TRIM36: variants seen among roughly 807,000 people sequenced by gnomAD.
TRIM36 encodes the protein E3 ubiquitin-protein ligase TRIM36.
Under a neutral mutation model 72.4 loss-of-function variants are expected in TRIM36, and 42 were observed. The observed-to-expected ratio is 0.58, with a 90% CI of 0.45 to 0.75. The LOEUF (loss-of-function observed/expected upper bound fraction) is 0.75. Among genes scored for constraint, TRIM36 ranks in the 30% least tolerant of loss-of-function variants. The probability of loss-of-function intolerance (pLI) is 0.00; values close to 1 mark genes in which losing one functional copy is unlikely to be tolerated. For missense variants in TRIM36, 913 were observed against 857.1 expected (o/e 1.07, Z -0.81); for synonymous variants, 315 against 282.8 (o/e 1.11, Z -1.14).
chr5:115,170,522 C>T (rs1452074732), upstream of TRIM36, among the ~76,000 whole-genome samples: 1 of 152,132 alleles, frequency 6.6e-6, no homozygotes, highest in Non-Finnish European at 1.5e-5. Context: ...TAGCCAGGCG[C>T]GGCCTGGGGT....
chr5:115,152,341 T>A (rs1334958268), intron 2 of TRIM36, among the ~76,000 whole-genome samples: 1 of 151,722 alleles, frequency 6.6e-6, no homozygotes, highest in Non-Finnish European at 1.5e-5. Context: ...AATAAGAAAA[T>A]ATGAACAAAG....
chr5:115,144,064 TG>T, intron 4 of TRIM36, among the ~76,000 whole-genome samples: 1 of 151,676 alleles, frequency 6.6e-6, no homozygotes, highest in East Asian at 1.9e-4. Context: ...TTAGTAGAGA[TG>T]GGGTTTCACC....
upstream of TRIM36, chr5:115,180,219 C>G (rs1006499901): frequency 3.5e-6 from 2 of 563,990 alleles, no homozygotes; most frequent in Non-Finnish European, 6.2e-6. Flanking sequence ...TGAAGGCCAT[C>G]GAGGGCTCCC....
Position 115,163,577 on chromosome 5 carries a change from C to A in TRIM36, c.203G>T (p.Ser68Ile). The part of the protein sequence containing the change: ...DVGSDNSNQS[S>I]PRLRLPSPSM... ...AGGGGAGGGGAGCCGAAGTCGAGGA[C>A]TGCTTTGATTGGAGTTGTCTGATCC... The change falls in exon 2 of 10, where the codon AGT becomes ATT. Residue 68 changes from serine to isoleucine, a missense_variant. Coordinates refer to ENST00000513154, the MANE Select transcript of TRIM36 (RefSeq NM_001300759.2). 1.9e-6 allele frequency: 3 copies of A among 1,614,180 alleles called. No individual in the cohort carries two copies. The highest frequency in any genetic ancestry group is 2.5e-6 in the Non-Finnish European group (3 of 1,180,042).
chr5:115,177,462 C>A (rs1755387435), intron 1 of TRIM36: 1 of 1,110,098 alleles, frequency 9.0e-7, no homozygotes, highest in Non-Finnish European at 1.1e-6. Context: ...TCCCATTATT[C>A]TTTACATTAC....
At chr5:115,127,945 G>C (rs907093276) in intron 9 of TRIM36, among the ~76,000 whole-genome samples, 1 of 151,982 alleles carries the variant, frequency 6.6e-6, no homozygotes, top group Non-Finnish European at 1.5e-5. Flanking sequence ...GACAAGACGT[G>C]GAAGTGGAAG....
intron 2 of TRIM36, among the ~76,000 whole-genome samples, chr5:115,162,305 G>C (rs922383010): frequency 6.6e-6 from 1 of 152,148 alleles, no homozygotes; most frequent in Admixed American, 6.5e-5. Context: ...TGAAATGTAT[G>C]GTGTAATGGA....
At chr5:115,171,081 GAGCTGT>G, upstream of TRIM36, 1 of 1,614,154 alleles carries the variant, frequency 6.2e-7, no homozygotes, top group Non-Finnish European at 8.5e-7. Context: ...AGGGACTACA[GAGCTGT>G]AGCGAGACAT....
rs1752315485 is a variant in TRIM36, at chr5:115,125,149, AAAC to A, written c.*1351_*1353del. The A allele has an allele frequency of 6.6e-6, 1 of 152,276 alleles. No individual in the cohort carries two copies. Among genetic ancestry groups the A allele is most frequent in the Non-Finnish European group, 1.5e-5 (1 of 67,964 alleles). The allele number at this position is 152,276 out of a possible 1,614,324, so 9.4% of individuals were successfully genotyped here. ...ATATAACAACAAGGACAACCAAAAA[AAAC>A]AGGCCTAAAAGTTTTGGTTACCCTG... On this transcript the variant is annotated 3_prime_UTR_variant, in exon 10 of 10. Transcript: ENST00000513154.
At chr5:115,133,831 G>C in intron 8 of TRIM36, 29 bp downstream of exon 8, 1 of 1,542,890 alleles carries the variant, frequency 6.5e-7, no homozygotes, top group Non-Finnish European at 8.7e-7. Flanking sequence ...CTAACTCTAT[G>C]CTTTTTTTAT....
At chr5:115,149,642 T>TAAAAA (rs202015411) in intron 2 of TRIM36, 1,254 of 98,444 alleles carry the variant, frequency 0.013, 23 homozygotes, top group African/African-American at 0.024. Flanking sequence ...TTTTACAGTG[T>TAAAAA]AAAAAAAAAA....
At chr5:115,170,346 C>A (rs1473194609), upstream of TRIM36, among the ~76,000 whole-genome samples, 1 of 152,206 alleles carries the variant, frequency 6.6e-6, no homozygotes, top group Non-Finnish European at 1.5e-5. Context: ...AGTTTGCTCT[C>A]ACTGCGCTTT....
intron 2 of TRIM36, among the ~76,000 whole-genome samples, chr5:115,155,225 G>A (rs1311757758): frequency 6.6e-6 from 1 of 151,922 alleles, no homozygotes; most frequent in African/African-American, 2.4e-5. Flanking sequence ...GCGTGAACCT[G>A]TAATCTCAGC....
At chr5:115,151,013 C>A (rs983402705) in intron 2 of TRIM36, among the ~76,000 whole-genome samples, 2 of 152,158 alleles carry the variant, frequency 1.3e-5, no homozygotes, top group East Asian at 1.9e-4. Context: ...ACAATTTGAA[C>A]TGATGGAGAA....
chr5:115,163,476 C>T, intron 2 of TRIM36, 42 bp downstream of exon 2: 1 of 1,537,912 alleles, frequency 6.5e-7, no homozygotes. Flanking sequence ...TATCTATAAG[C>T]TTACCCCCAC....
chr5:115,152,525 C>T (rs997414180), intron 2 of TRIM36, among the ~76,000 whole-genome samples: 44 of 152,270 alleles, frequency 2.9e-4, no homozygotes, highest in African/African-American at 9.9e-4. Flanking sequence ...CAAAGAACAC[C>T]TGGGAAATTC....
At chr5:115,169,393 AC>A (rs1754966092) in intron 1 of TRIM36, among the ~76,000 whole-genome samples, 1 of 151,670 alleles carries the variant, frequency 6.6e-6, no homozygotes, top group Non-Finnish European at 1.5e-5. Context: ...GGCCCAGGGG[AC>A]CCCACGTCCG....
intron 5 of TRIM36, 69 bp downstream of exon 5, chr5:115,141,210 T>C (rs1335709665): frequency 8.6e-7 from 1 of 1,166,658 alleles, no homozygotes; most frequent in Non-Finnish European, 1.2e-6. Flanking sequence ...CAGGATTTTA[T>C]GAACAAATGA....
chr5:115,150,368 T>C (rs1375451655), intron 2 of TRIM36, among the ~76,000 whole-genome samples: 1 of 152,254 alleles, frequency 6.6e-6, no homozygotes, highest in African/African-American at 2.4e-5. Flanking sequence ...TTGGTTACCA[T>C]AGCCATATTT....
Sources: gnomAD v4.1 joint callset for allele counts (sites outside exome capture counted in the v4.1 genomes callset) on GRCh38, gnomAD v4.1.1 for gene constraint, MANE v1.5 for transcripts, NCBI Gene and HGNC (gene_info 2026-07-23, HGNC 2026-07-21) for gene names.